Variants in WWOX observed in about 807,000 individuals in gnomAD.
The protein encoded by WWOX is WW domain-containing oxidoreductase.
WWOX carries 69 observed loss-of-function variants against 46.2 expected under a neutral mutation model. The observed-to-expected ratio is 1.49, with a 90% CI of 1.23 to 1.82. WWOX has a LOEUF of 1.82. Ranked by LOEUF, WWOX falls within the 40% of genes most tolerant of loss-of-function variation. The pLI is 0.00. For synonymous variants in WWOX, 359 were observed against 202.6 expected (o/e 1.77, Z -6.56); for missense variants, 919 against 542.6 (o/e 1.69, Z -6.89).
At chr16:78,570,115 G>A (rs1348373199) in intron 8 of WWOX, among the ~76,000 whole-genome samples, 1 of 152,196 alleles carries the variant, frequency 6.6e-6, no homozygotes. Context: ...AGGGAGACAG[G>A]TGAGAATACA....
Position 78,260,724 on chromosome 16 carries a change from A to T in WWOX, c.516+96435A>T, listed in dbSNP as rs551990631. Among the ~76,000 whole-genome samples the T allele has an allele frequency of 2.7e-5, 4 of 150,872 alleles. No individual in the cohort carries two copies. The East Asian group carries it at 7.7e-4, about 29-fold the overall frequency. On this transcript the variant is annotated intron_variant, in intron 5 of 8. Coordinates refer to ENST00000566780, the MANE Select transcript of WWOX (RefSeq NM_016373.4). ...GAGGCTGAGGCAGGTGGATCACTTG[A>T]GGTCAGGAGTTTGAACCTAGCCTGG...
intron 8 of WWOX, among the ~76,000 whole-genome samples, chr16:78,666,079 G>A (rs900368405): frequency 1.3e-5 from 2 of 152,020 alleles, no homozygotes; most frequent in African/African-American, 4.8e-5. Context: ...GAAGCCAGGA[G>A]TTTGAGAATA....
chr16:78,948,745 A>C (rs1409407655), intron 8 of WWOX, among the ~76,000 whole-genome samples: 6 of 151,904 alleles, frequency 3.9e-5, no homozygotes, highest in African/African-American at 1.5e-4. Context: ...TGTTGGCATT[A>C]CTCCTATGGT....
At chr16:78,787,070 C>A (rs1166339882) in intron 8 of WWOX, among the ~76,000 whole-genome samples, 1 of 152,118 alleles carries the variant, frequency 6.6e-6, no homozygotes, top group Non-Finnish European at 1.5e-5. Context: ...ATCGCTTGAA[C>A]CTGGGAGGCG....
intron 4 of WWOX, among the ~76,000 whole-genome samples, chr16:78,120,279 T>A (rs2033022837): frequency 6.6e-6 from 1 of 152,260 alleles, no homozygotes; most frequent in South Asian, 2.1e-4. Context: ...AATGAAGGTA[T>A]AAATATTTCA....
At chr16:78,479,646 G>C (rs544986006) in intron 8 of WWOX, among the ~76,000 whole-genome samples, 1 of 152,304 alleles carries the variant, frequency 6.6e-6, no homozygotes, top group Non-Finnish European at 1.5e-5. Context: ...AACTGTTATA[G>C]GAATGATTGA....
chr16:78,199,358 GA>G (rs2036159491), intron 5 of WWOX, among the ~76,000 whole-genome samples: 2 of 151,708 alleles, frequency 1.3e-5, no homozygotes, highest in Non-Finnish European at 2.9e-5. Flanking sequence ...GAACAACAAC[GA>G]AAAAACTCCC....
At chr16:79,075,593 C>T (rs1434374684) in intron 8 of WWOX, among the ~76,000 whole-genome samples, 1 of 151,910 alleles carries the variant, frequency 6.6e-6, no homozygotes, top group Non-Finnish European at 1.5e-5. Context: ...TGCTCTGTCA[C>T]CCAGGCTGGA....
At chr16:78,257,505 T>C (rs2038164224) in intron 5 of WWOX, among the ~76,000 whole-genome samples, 1 of 152,110 alleles carries the variant, frequency 6.6e-6, no homozygotes, top group South Asian at 2.1e-4. Flanking sequence ...TCTCAAACAA[T>C]ATAAATCACC....
At chr16:78,476,464 G>A (rs1416119842) in intron 8 of WWOX, among the ~76,000 whole-genome samples, 3 of 152,096 alleles carry the variant, frequency 2.0e-5, no homozygotes, top group African/African-American at 4.8e-5. Context: ...TGTGGGGTGC[G>A]GGGAGGGGAG....
intron 8 of WWOX, among the ~76,000 whole-genome samples, chr16:78,893,892 A>G (rs533212027): frequency 6.6e-6 from 1 of 152,258 alleles, no homozygotes; most frequent in Non-Finnish European, 1.5e-5. Flanking sequence ...TTCTAGATGC[A>G]TCTTTTGAGT....
intron 8 of WWOX, among the ~76,000 whole-genome samples, chr16:78,726,071 T>TCCCTCCCTCTTCCTCCCTCCC (rs2048824545): frequency 1.0e-5 from 1 of 96,654 alleles, no homozygotes; most frequent in African/African-American, 3.7e-5. Context: ...CCTGCTTCCC[T>TCCCTCCCTCTTCCTCCCTCCC]TCCCTCCCTC....
chr16:78,854,676 G>T (rs1264067613), intron 8 of WWOX, among the ~76,000 whole-genome samples: 1 of 152,176 alleles, frequency 6.6e-6, no homozygotes, highest in Non-Finnish European at 1.5e-5. Flanking sequence ...CGCCTCCCGG[G>T]TTCAAGTGAT....
chr16:78,346,167 T>G (rs4887959), intron 5 of WWOX, among the ~76,000 whole-genome samples: 29,951 of 120,008 alleles, frequency 0.25, 9,956 homozygotes, highest in African/African-American at 0.45. Context: ...TCCACATAAT[T>G]ACCTTGGGAT....
chr16:78,333,536 A>G (rs905858400), intron 5 of WWOX, among the ~76,000 whole-genome samples: 16 of 152,176 alleles, frequency 1.1e-4, no homozygotes, highest in Non-Finnish European at 5.9e-5. Context: ...TTGTCCGTCA[A>G]TGTGAAATAA....
At chr16:78,470,288 A>C (rs566445601) in intron 8 of WWOX, among the ~76,000 whole-genome samples, 2 of 152,282 alleles carry the variant, frequency 1.3e-5, no homozygotes, top group East Asian at 3.9e-4. Context: ...AGGCTAGGAA[A>C]CAGAGCATAA....
Position 78,261,515 on chromosome 16 carries a change from A to AT in WWOX, c.516+97235dup, listed in dbSNP as rs934962484. On this transcript the variant is annotated intron_variant, in intron 5 of 8. Coordinates refer to ENST00000566780, the MANE Select transcript of WWOX (RefSeq NM_016373.4). Reference sequence around the variant, plus strand: ...CTCAAATTCCATTTCTCTTCTGCAGATTTTTTTTTAGTTTTGTATTTCATC... The same window carrying AT: ...CTCAAATTCCATTTCTCTTCTGCAGATTTTTTTTTTAGTTTTGTATTTCATC... Among the ~76,000 whole-genome samples the AT allele has an allele frequency of 2.6e-4, 39 of 149,766 alleles. No homozygotes were observed. In the South Asian group the frequency reaches 4.2e-3, roughly 16 times the overall value.
chr16:79,185,819 G>A (rs1045467482), intron 8 of WWOX, among the ~76,000 whole-genome samples: 1 of 152,172 alleles, frequency 6.6e-6, no homozygotes, highest in African/African-American at 2.4e-5. Flanking sequence ...ACACTGCCTA[G>A]TGTGAGAAGG....
chr16:78,980,641 C>G (rs1000844420), intron 8 of WWOX, among the ~76,000 whole-genome samples: 3 of 152,098 alleles, frequency 2.0e-5, no homozygotes, highest in African/African-American at 7.2e-5. Context: ...ACTGATTATT[C>G]CATAGTTGCA....
Sources: gnomAD v4.1 joint callset for allele counts (sites outside exome capture counted in the v4.1 genomes callset) on GRCh38, gnomAD v4.1.1 for gene constraint, MANE v1.5 for transcripts, NCBI Gene and HGNC (gene_info 2026-07-23, HGNC 2026-07-21) for gene names.